CBX5: variants seen among roughly 807,000 people sequenced by gnomAD.
The protein encoded by CBX5 is chromobox protein homolog 5.
A neutral mutation model predicts 20.7 loss-of-function variants in CBX5; 7 were observed. The observed-to-expected ratio is 0.34, with a 90% CI of 0.19 to 0.63. CBX5 has a LOEUF of 0.63. Ranked by LOEUF, CBX5 falls within the 30% of genes least tolerant of loss-of-function variation. The probability of loss-of-function intolerance (pLI) is 0.75; values close to 1 mark genes in which losing one functional copy is unlikely to be tolerated. For synonymous variants in CBX5, 78 were observed against 77.0 expected, an observed-to-expected ratio of 1.01 and a Z score of -0.07; for missense variants, 110 against 224.1, an observed-to-expected ratio of 0.49 and a Z score of 3.25.
At chr12:54,264,433 C>T (rs1943940611) in intron 1 of CBX5, among the ~76,000 whole-genome samples, 1 of 152,202 alleles carries the variant, frequency 6.6e-6, no homozygotes, top group African/African-American at 2.4e-5. Flanking sequence ...GTCACTACTT[C>T]TCAATACCAA....
In CBX5 at chr12:54,231,996, T is replaced by G. The variant is rs1943573690; in HGVS notation, c.*9759A>C. 1 of 152,116 alleles carries G rather than the reference T, an allele frequency of 6.6e-6. No individual in the cohort carries two copies. The highest frequency in any genetic ancestry group is 1.5e-5 in the Non-Finnish European group (1 of 68,034). The allele number at this position is 152,116 out of a possible 1,614,324, so 9.4% of individuals were successfully genotyped here. On this transcript the variant is annotated 3_prime_UTR_variant, in exon 5 of 5. Coordinates refer to ENST00000209875, the MANE Select transcript of CBX5 (RefSeq NM_012117.3). Reference sequence around the variant, plus strand: ...AAGCAATGACATAAATCAAAACCATTGAGGGTTGCTTTGATCCTGAGACAG... The same window carrying G: ...AAGCAATGACATAAATCAAAACCATGGAGGGTTGCTTTGATCCTGAGACAG...
intron 2 of CBX5, among the ~76,000 whole-genome samples, chr12:54,254,102 G>A (rs145518218): frequency 6.8e-4 from 103 of 151,974 alleles, no homozygotes; most frequent in African/African-American, 2.2e-3. Flanking sequence ...ATAATACCTC[G>A]ATAAAGCTAT....
At chr12:54,269,430 C>G (rs551018830) in intron 1 of CBX5, among the ~76,000 whole-genome samples, 2 of 152,066 alleles carry the variant, frequency 1.3e-5, no homozygotes, top group African/African-American at 4.8e-5. Context: ...GCTCTGTTGC[C>G]CAGGCTGGAG....
intron 3 of CBX5, among the ~76,000 whole-genome samples, chr12:54,251,133 A>G (rs1402574536): frequency 6.6e-6 from 1 of 151,116 alleles, no homozygotes; most frequent in African/African-American, 2.4e-5. Context: ...TCTGTCTCCA[A>G]AAAAAAAGAA....
rs1203476437 is a variant in CBX5 at position 54,241,650 on chromosome 12, T to G, written c.*105A>C. 9.1e-6 allele frequency: 10 copies of G among 1,098,336 alleles called. No individual in the cohort carries two copies. Among genetic ancestry groups the G allele is most frequent in the Middle Eastern group, 4.1e-4 (2 of 4,822 alleles). The allele number at this position is 1,098,336 out of a possible 1,614,324, so 68.0% of individuals were successfully genotyped here. A position where few individuals can be genotyped will look rare whatever the true frequency, so the allele number is the denominator to read the frequency against. ...CTGTGGAGCACAGTGATAAGCACAT[T>G]TTTTATGGATGTGTTTAGGATAGAA... On this transcript the variant is annotated 3_prime_UTR_variant, in exon 5 of 5. Coordinates refer to ENST00000209875, the MANE Select transcript of CBX5 (RefSeq NM_012117.3).
chr12:54,257,426 G>A, intron 2 of CBX5, 88 bp downstream of exon 2: 1 of 1,425,426 alleles, frequency 7.0e-7, no homozygotes, highest in Non-Finnish European at 9.7e-7. Context: ...GGAAGAAAAA[G>A]ACAAAAATGC....
At chr12:54,266,047 A>T (rs1164730905) in intron 1 of CBX5, among the ~76,000 whole-genome samples, 1 of 139,018 alleles carries the variant, frequency 7.2e-6, no homozygotes, top group South Asian at 2.3e-4. Context: ...ACTCTGTCTT[A>T]AAAAAAAAAA....
chr12:54,263,113 C>G (rs924682646), intron 1 of CBX5, among the ~76,000 whole-genome samples: 1 of 152,202 alleles, frequency 6.6e-6, no homozygotes, highest in African/African-American at 2.4e-5. Context: ...GTAATCCCAG[C>G]ACTTTGGTAG....
chr12:54,257,491 C>T (rs770144622), intron 2 of CBX5, 23 bp downstream of exon 2: 4 of 1,613,610 alleles, frequency 2.5e-6, no homozygotes, highest in African/African-American at 2.7e-5. Flanking sequence ...AGTCCCAACG[C>T]CTGGGGGAAA....
Position 54,241,446 on chromosome 12 carries a change from A to G in CBX5, c.*309T>C, listed in dbSNP as rs1175534183. 7.9e-6 allele frequency: 2 copies of G among 254,218 alleles called. No individual in the cohort carries two copies. The highest frequency in any genetic ancestry group is 1.5e-5 in the Non-Finnish European group (2 of 135,340). 15.7% of individuals were successfully genotyped at this position (254,218 alleles called of 1,614,324 possible). ...CTGAAAAGATCAAGACTCTAAGGTG[A>G]TTAAAAAGTTGAAACTCATCTTGAG... On this transcript the variant is annotated 3_prime_UTR_variant, in exon 5 of 5. Transcript: ENST00000209875.
intron 4 of CBX5, among the ~76,000 whole-genome samples, chr12:54,244,592 G>C (rs1463965628): frequency 6.6e-6 from 1 of 151,838 alleles, no homozygotes; most frequent in Non-Finnish European, 1.5e-5. Context: ...ACAAAAATTA[G>C]CCAGGCATGG....
rs939515658 is a variant in CBX5 at position 54,238,016 on chromosome 12, C to T, written c.*3739G>A. ...ACCATCCTGGCAAACATGGTAAAAC[C>T]CCATCTCTACCAAAAATACAAAAAT... On this transcript the variant is annotated 3_prime_UTR_variant, in exon 5 of 5. Coordinates refer to ENST00000209875, the MANE Select transcript of CBX5 (RefSeq NM_012117.3). 2 of 151,962 alleles carry T rather than the reference C, an allele frequency of 1.3e-5. No individual in the cohort carries two copies. Among genetic ancestry groups the T allele is most frequent in the Non-Finnish European group, 2.9e-5 (2 of 68,022 alleles). The allele number at this position is 151,962 out of a possible 1,614,324, so 9.4% of individuals were successfully genotyped here.
chr12:54,268,358 A>G (rs186648837), intron 1 of CBX5, among the ~76,000 whole-genome samples: 49 of 152,304 alleles, frequency 3.2e-4, no homozygotes, highest in Admixed American at 1.2e-3. Flanking sequence ...CTATGCCACA[A>G]TATCATAAAA....
chr12:54,258,490 G>C (rs953118080), intron 1 of CBX5: 1 of 152,194 alleles, frequency 6.6e-6, no homozygotes, highest in African/African-American at 2.4e-5. Flanking sequence ...GCCAAAGGAA[G>C]AGGAGGAGGA....
At chr12:54,263,779 A>AT (rs1287792610) in intron 1 of CBX5, among the ~76,000 whole-genome samples, 1 of 149,170 alleles carries the variant, frequency 6.7e-6, no homozygotes, top group Admixed American at 6.7e-5. Context: ...AAAAAAAAAA[A>AT]AAAAGAAAAG....
At chr12:54,248,877 A>G (rs952620761) in intron 3 of CBX5, among the ~76,000 whole-genome samples, 11 of 152,180 alleles carry the variant, frequency 7.2e-5, no homozygotes, top group African/African-American at 2.7e-4. Flanking sequence ...TAAAACATAC[A>G]ATCACCTATC....
chr12:54,276,425 T>C (rs1337825642), intron 1 of CBX5, among the ~76,000 whole-genome samples: 1 of 152,208 alleles, frequency 6.6e-6, no homozygotes, highest in Admixed American at 6.5e-5. Flanking sequence ...TCTCATGTAA[T>C]TGGTTGATTA....
rs1446086265 is a variant in CBX5 at position 54,239,746 on chromosome 12, G to C, written c.*2009C>G. 1.3e-5 allele frequency: 2 copies of C among 152,194 alleles called. No homozygotes were observed. Among genetic ancestry groups the C allele is most frequent in the Non-Finnish European group, 2.9e-5 (2 of 68,048 alleles). The allele number at this position is 152,194 out of a possible 1,614,324, so 9.4% of individuals were successfully genotyped here. On this transcript the variant is annotated 3_prime_UTR_variant, in exon 5 of 5. Coordinates refer to ENST00000209875, the MANE Select transcript of CBX5 (RefSeq NM_012117.3). ...ATTACCATTCAGAAGGATTTTCCTG[G>C]CTGACTTAAACCAAAAGCTTCATTG... is the stretch of plus-strand genomic sequence containing the variant.
chr12:54,261,108 T>C (rs1036797351), intron 1 of CBX5, among the ~76,000 whole-genome samples: 31 of 150,720 alleles, frequency 2.1e-4, no homozygotes, highest in African/African-American at 7.3e-4. Context: ...GGAGAATCGC[T>C]TGAACCTGGG....
Sources: gnomAD v4.1 joint callset for allele counts (sites outside exome capture counted in the v4.1 genomes callset) on GRCh38, gnomAD v4.1.1 for gene constraint, MANE v1.5 for transcripts, NCBI Gene and HGNC (gene_info 2026-07-23, HGNC 2026-07-21) for gene names.